The following MCTP2 variants were observed in gnomAD, a reference collection of about 807,000 sequenced individuals.
MCTP2 encodes multiple C2 and transmembrane domain-containing protein 2.
In MCTP2, 132 loss-of-function variants were observed where a neutral mutation model predicts 111.6. The ratio of observed to expected loss-of-function variants is 1.18; its 90% CI spans 1.03 to 1.37. The LOEUF (loss-of-function observed/expected upper bound fraction) is 1.37, where lower values mean the gene tolerates loss of function less well. MCTP2 is among the 40% of genes most tolerant of loss of function. MCTP2 has a pLI of 0.00. For synonymous variants in MCTP2, 395 were observed against 387.7 expected, an observed-to-expected ratio of 1.02 and a Z score of -0.22; for missense variants, 1,183 against 1,067.9, an observed-to-expected ratio of 1.11 and a Z score of -1.50.
intron 17 of MCTP2, among the ~76,000 whole-genome samples, chr15:94,430,405 A>G (rs1391983276): frequency 6.3e-5 from 9 of 143,332 alleles, no homozygotes; most frequent in Non-Finnish European, 1.4e-4. Flanking sequence ...ACACACACAC[A>G]CACACACACA....
intron 16 of MCTP2, among the ~76,000 whole-genome samples, chr15:94,400,984 A>G (rs959371876): frequency 6.6e-6 from 1 of 152,032 alleles, no homozygotes; most frequent in Non-Finnish European, 1.5e-5. Flanking sequence ...TATTGTTATT[A>G]TTGCCTTTTG....
At chr15:94,240,066 GT>G (rs57636814) in intron 1 of MCTP2, among the ~76,000 whole-genome samples, 69,533 of 150,386 alleles carry the variant, frequency 0.46, 16,126 homozygotes, top group African/African-American at 0.5. Flanking sequence ...TTCATTGGTA[GT>G]TTTTTTTTTG....
intron 1 of MCTP2, among the ~76,000 whole-genome samples, chr15:94,293,966 A>G (rs1215662305): frequency 3.3e-5 from 5 of 152,258 alleles, no homozygotes; most frequent in African/African-American, 1.2e-4. Context: ...GAAACAACCC[A>G]AATGTCCTTC....
At chr15:94,236,967 G>A (rs1018815791) in intron 1 of MCTP2, among the ~76,000 whole-genome samples, 3 of 152,094 alleles carry the variant, frequency 2.0e-5, no homozygotes, top group Admixed American at 6.5e-5. Flanking sequence ...AGAGAGGGAG[G>A]TGCTGGGCCT....
At chr15:94,451,014 A>G (rs543994471) in intron 19 of MCTP2, among the ~76,000 whole-genome samples, 1 of 152,346 alleles carries the variant, frequency 6.6e-6, no homozygotes, top group East Asian at 1.9e-4. Context: ...TTGGATACCC[A>G]ACGCCAACAA....
At chr15:94,368,828 T>C (rs2079336479) in intron 11 of MCTP2, among the ~76,000 whole-genome samples, 1 of 152,244 alleles carries the variant, frequency 6.6e-6, no homozygotes, top group African/African-American at 2.4e-5. Flanking sequence ...TGTGTGTTTA[T>C]AAAGGAACAT....
intron 21 of MCTP2, among the ~76,000 whole-genome samples, chr15:94,472,094 C>G (rs2073976010): frequency 6.6e-6 from 1 of 152,214 alleles, no homozygotes; most frequent in African/African-American, 2.4e-5. Context: ...AAGACTAATA[C>G]TGGCTGGGTG....
In MCTP2 at chr15:94,231,648, A is replaced by G. The variant is rs2070177048; in HGVS notation, c.-82A>G. 1 of 152,328 alleles carries G rather than the reference A, an allele frequency of 6.6e-6. No homozygotes were observed. Among genetic ancestry groups the G allele is most frequent in the Non-Finnish European group, 1.5e-5 (1 of 68,154 alleles). The allele number at this position is 152,328 out of a possible 1,614,324, so 9.4% of individuals were successfully genotyped here. A position where few individuals can be genotyped will look rare whatever the true frequency, so the allele number is the denominator to read the frequency against. ...CGCCTGCCCAGCTTTGCAGCCCCCG[A>G]ACGCGGCCTCGCACAGGTGAGGGCG... On this transcript the variant is annotated 5_prime_UTR_variant, in exon 1 of 23. Coordinates refer to ENST00000357742, the MANE Select transcript of MCTP2 (RefSeq NM_001385001.1).
chr15:94,477,915 A>G (rs2074499738), intron 22 of MCTP2, among the ~76,000 whole-genome samples: 1 of 152,202 alleles, frequency 6.6e-6, no homozygotes, highest in Non-Finnish European at 1.5e-5. Context: ...ATTGACAGGT[A>G]TGTCATCCTC....
chr15:94,399,025 G>A lies in MCTP2; in HGVS notation c.1853G>A (p.Gly618Glu), dbSNP rs780515255. The change falls in exon 15 of 23, where the codon GGA becomes GAA. Residue 618 changes from glycine (G) to glutamate (E), a missense_variant. Physicochemically the swap from Gly to Glu is moderately conservative, Grantham distance 98 (BLOSUM62 -2). Coordinates refer to ENST00000357742, the MANE Select transcript of MCTP2 (RefSeq NM_001385001.1). ...KNKDLEQAFKGVIYLEMDLIY... is the reference protein window; with the variant it reads ...KNKDLEQAFKEVIYLEMDLIY... ...AAAGATTTAGAACAAGCTTTTAAAG[G>A]AGTTATTTACTTAGAGATGGACCTT... is the stretch of plus-strand genomic sequence containing the variant. 1.3e-6 allele frequency: 2 copies of A among 1,560,950 alleles called. No individual in the cohort carries two copies. The highest frequency in any genetic ancestry group is 1.8e-6 in the Non-Finnish European group (2 of 1,131,984).
At chr15:94,265,161 C>G (rs1258670197) in intron 1 of MCTP2, among the ~76,000 whole-genome samples, 1 of 152,196 alleles carries the variant, frequency 6.6e-6, no homozygotes, top group Non-Finnish European at 1.5e-5. Context: ...ACCTATGAGG[C>G]AATAACTCTG....
At chr15:94,245,351 C>A (rs1312488919) in intron 1 of MCTP2, among the ~76,000 whole-genome samples, 1 of 131,494 alleles carries the variant, frequency 7.6e-6, no homozygotes, top group African/African-American at 2.7e-5. Flanking sequence ...TATTTACATA[C>A]ATATGTATAT....
rs746560001 is a variant in MCTP2 at position 94,482,016 on chromosome 15, C to G, written c.*2982C>G. The G allele has an allele frequency of 6.6e-6, 1 of 151,910 alleles. No homozygotes were observed. Among genetic ancestry groups the G allele is most frequent in the Non-Finnish European group, 1.5e-5 (1 of 67,958 alleles). 9.4% of individuals were successfully genotyped at this position (151,910 alleles called of 1,614,324 possible). ...TTATGTCTTATATTTGAAGTTCTTA[C>G]CTACATATCAGAGGAAAATATAATG... On this transcript the variant is annotated 3_prime_UTR_variant, in exon 23 of 23. Transcript: ENST00000357742.
At position 94,257,548 on chromosome 15, in the gene MCTP2, TTTGTTG is replaced by T. The variant is rs2072860259; in HGVS notation, c.-66+25886_-66+25891del. 2.0e-5 allele frequency among the ~76,000 whole-genome samples: 3 copies of T among 148,612 alleles called. No individual in the cohort carries two copies. In the South Asian group the frequency reaches 6.4e-4, roughly 32 times the overall value. On this transcript the variant is annotated intron_variant, in intron 1 of 22. Transcript: ENST00000357742. ...TCAGAACTATCACATTTTAAAAATATTTGTTGTCATTTTCTTTGTTGTTTTTTTTTT... is the reference window on the plus strand; with the variant it reads ...TCAGAACTATCACATTTTAAAAATATTCATTTTCTTTGTTGTTTTTTTTTT...
intron 17 of MCTP2, chr15:94,403,215 T>G: frequency 1.0e-6 from 1 of 985,456 alleles, no homozygotes; most frequent in Non-Finnish European, 1.2e-6. Flanking sequence ...CTGAAGTTGC[T>G]AAAACATTTG....
intron 1 of MCTP2, among the ~76,000 whole-genome samples, chr15:94,270,253 TAGAG>T (rs1472794561): frequency 6.6e-6 from 1 of 152,174 alleles, no homozygotes; most frequent in African/African-American, 2.4e-5. Flanking sequence ...AACACTGAGA[TAGAG>T]AGGCTTCAAT....
intron 1 of MCTP2, among the ~76,000 whole-genome samples, chr15:94,265,588 GTT>G (rs1025451099): frequency 3.9e-5 from 6 of 152,144 alleles, no homozygotes; most frequent in Non-Finnish European, 8.8e-5. Flanking sequence ...GTACACCACT[GTT>G]TGCGTTGAGA....
chr15:94,441,062 T>G (rs1036910880), intron 18 of MCTP2, among the ~76,000 whole-genome samples: 22 of 152,164 alleles, frequency 1.4e-4, no homozygotes, highest in African/African-American at 5.3e-4. Context: ...AAAACAAAAA[T>G]CTAAAGTCCT....
intron 1 of MCTP2, among the ~76,000 whole-genome samples, chr15:94,253,605 T>C (rs952430141): frequency 6.6e-6 from 1 of 152,172 alleles, no homozygotes; most frequent in African/African-American, 2.4e-5. Context: ...TTGGAATTGC[T>C]TTGCTATCTG....
Sources: gnomAD v4.1 joint callset for allele counts (sites outside exome capture counted in the v4.1 genomes callset) on GRCh38, gnomAD v4.1.1 for gene constraint, MANE v1.5 for transcripts, NCBI Gene and HGNC (gene_info 2026-07-23, HGNC 2026-07-21) for gene names.